ASAP1: variants seen among roughly 807,000 people sequenced by gnomAD.
ASAP1 encodes the protein arf-GAP with SH3 domain, ANK repeat and PH domain-containing protein 1.
A neutral mutation model predicts 145.2 loss-of-function variants in ASAP1; 43 were observed. The observed-to-expected ratio is 0.30, with a 90% CI of 0.23 to 0.38. The LOEUF (loss-of-function observed/expected upper bound fraction) is 0.38. ASAP1 is among the 10% of genes least tolerant of loss of function. The probability of loss-of-function intolerance (pLI) is 1.00; values close to 1 mark genes in which losing one functional copy is unlikely to be tolerated. For missense variants in ASAP1, 1,018 were observed against 1,355.3 expected (o/e 0.75, Z 3.91); for synonymous variants, 546 against 515.5 (o/e 1.06, Z -0.80).
At chr8:130,373,191 A>G (rs1827312626) in intron 2 of ASAP1, among the ~76,000 whole-genome samples, 1 of 152,072 alleles carries the variant, frequency 6.6e-6, no homozygotes, top group Non-Finnish European at 1.5e-5. Flanking sequence ...AGAAAAAAAA[A>G]AAAACCATGT....
intron 26 of ASAP1, among the ~76,000 whole-genome samples, chr8:130,079,254 T>C (rs997368971): frequency 6.6e-6 from 1 of 152,064 alleles, no homozygotes; most frequent in African/African-American, 2.4e-5. Flanking sequence ...GCTGACTCTT[T>C]TTCCCTGAAG....
At chr8:130,104,617 A>G in intron 24 of ASAP1, among the ~76,000 whole-genome samples, 1 of 152,248 alleles carries the variant, frequency 6.6e-6, no homozygotes, top group East Asian at 1.9e-4. Context: ...ACTGCTGGCA[A>G]GTATACCCTT....
intron 25 of ASAP1, among the ~76,000 whole-genome samples, chr8:130,086,397 G>A (rs2097493179): frequency 6.6e-6 from 1 of 152,234 alleles, no homozygotes; most frequent in Non-Finnish European, 1.5e-5. Context: ...AGCACTCTGT[G>A]AGGCACTTAC....
intron 1 of ASAP1, among the ~76,000 whole-genome samples, chr8:130,425,592 A>G (rs1195369668): frequency 1.3e-5 from 2 of 152,184 alleles, no homozygotes; most frequent in Non-Finnish European, 2.9e-5. Context: ...ACAGACAATG[A>G]AAGATCAGAG....
intron 2 of ASAP1, among the ~76,000 whole-genome samples, chr8:130,392,981 G>T (rs766971939): frequency 6.6e-6 from 1 of 152,070 alleles, no homozygotes. Context: ...CCATGGCACC[G>T]AGGCACACAG....
At chr8:130,377,699 A>T (rs537930359) in intron 2 of ASAP1, among the ~76,000 whole-genome samples, 2 of 152,328 alleles carry the variant, frequency 1.3e-5, no homozygotes, top group South Asian at 4.1e-4. Context: ...AGGCAAAGGC[A>T]TGTGGTAAAA....
intron 7 of ASAP1, among the ~76,000 whole-genome samples, chr8:130,184,503 A>G (rs114498578): frequency 3.3e-4 from 50 of 152,328 alleles, no homozygotes; most frequent in African/African-American, 1.1e-3. Flanking sequence ...CATGATTTGT[A>G]AAGAACCCTG....
At chr8:130,437,096 T>C (rs1040357169) in intron 1 of ASAP1, among the ~76,000 whole-genome samples, 7 of 142,964 alleles carry the variant, frequency 4.9e-5, no homozygotes, top group Middle Eastern at 3.5e-3. Context: ...CAGAGCAAGA[T>C]TTCATCTCAA....
At chr8:130,384,898 G>A (rs1256459742) in intron 2 of ASAP1, among the ~76,000 whole-genome samples, 2 of 152,124 alleles carry the variant, frequency 1.3e-5, no homozygotes, top group South Asian at 2.1e-4. Context: ...GATGACCCCC[G>A]CCCTCCTGGA....
rs1412597033 is a variant in ASAP1 at position 130,358,607 on chromosome 8, C to T, written c.60-464G>A. The stretch of plus-strand genomic sequence containing the variant: ...GGGCCTGACTGACTGAGCGCACACT[C>T]CCGCGGCGGGCGGGCGGGCGGGCGG... On this transcript the variant is annotated intron_variant, in intron 2 of 29. Coordinates refer to ENST00000518721, the MANE Select transcript of ASAP1 (RefSeq NM_018482.4). The surrounding 1 kb of genome is among the most constrained non-coding windows in gnomAD (Gnocchi z 4.1). Among the ~76,000 whole-genome samples, 2 of 146,510 alleles carry T rather than the reference C, an allele frequency of 1.4e-5. No individual in the cohort carries two copies. Among genetic ancestry groups the T allele is most frequent in the African/African-American group, 2.5e-5 (1 of 40,506 alleles).
chr8:130,186,576 T>C (rs1814745471), intron 7 of ASAP1, among the ~76,000 whole-genome samples: 1 of 152,098 alleles, frequency 6.6e-6, no homozygotes, highest in Non-Finnish European at 1.5e-5. Context: ...CCCTGCAAAG[T>C]GCTTATTGTC....
intron 2 of ASAP1, among the ~76,000 whole-genome samples, chr8:130,381,292 G>A (rs1586943127): frequency 6.6e-6 from 1 of 152,064 alleles, no homozygotes. Flanking sequence ...CCTCCCAAAG[G>A]GCTGGGATTA....
chr8:130,174,846 G>A (rs1194514836), intron 9 of ASAP1, among the ~76,000 whole-genome samples: 1 of 152,126 alleles, frequency 6.6e-6, no homozygotes, highest in East Asian at 1.9e-4. Context: ...TCAGCATTGT[G>A]GCTGAACAAT....
At chr8:130,336,210 C>T (rs1011936544) in intron 3 of ASAP1, among the ~76,000 whole-genome samples, 4 of 152,202 alleles carry the variant, frequency 2.6e-5, no homozygotes, top group African/African-American at 9.6e-5. Flanking sequence ...GCAATGATTC[C>T]TGCTTCGAAC....
intron 25 of ASAP1, among the ~76,000 whole-genome samples, chr8:130,090,897 T>C (rs746305844): frequency 1.3e-5 from 2 of 152,004 alleles, no homozygotes; most frequent in Admixed American, 6.6e-5. Flanking sequence ...ACAAAAAATA[T>C]GAAGAAAGCC....
chr8:130,179,460 G>T, intron 8 of ASAP1, 111 bp from the exon 9 acceptor site: 1 of 669,948 alleles, frequency 1.5e-6, no homozygotes, highest in South Asian at 1.8e-5. Flanking sequence ...ACCAAGCCTT[G>T]GTGTCCTTTA....
At chr8:130,189,431 C>G (rs1453880033) in intron 5 of ASAP1, among the ~76,000 whole-genome samples, 1 of 152,104 alleles carries the variant, frequency 6.6e-6, no homozygotes, top group Non-Finnish European at 1.5e-5. Flanking sequence ...TCTTTCTGTA[C>G]TTGGCTTATT....
intron 24 of ASAP1, among the ~76,000 whole-genome samples, chr8:130,094,673 G>A (rs937615237): frequency 6.6e-6 from 1 of 152,172 alleles, no homozygotes; most frequent in African/African-American, 2.4e-5. Context: ...GCTGGGATAA[G>A]GCAGGTGTCC....
chr8:130,427,553 G>C (rs1472545502), intron 1 of ASAP1, among the ~76,000 whole-genome samples: 3 of 152,202 alleles, frequency 2.0e-5, no homozygotes, highest in African/African-American at 7.2e-5. Context: ...TACTCTGCAG[G>C]GGGTATTGGC....
Sources: allele counts gnomAD v4.1 joint callset (sites outside exome capture counted in the v4.1 genomes callset), GRCh38; gene constraint gnomAD v4.1.1; non-coding constraint Gnocchi (gnomAD v3.1); transcripts MANE v1.5; gene names NCBI Gene and HGNC (gene_info 2026-07-23, HGNC 2026-07-21).